The following GALNT16 variants were observed in gnomAD, a reference collection of about 807,000 sequenced individuals.
GALNT16 encodes the protein UDP-GalNAc:polypeptide N-acetylgalactosaminyltransferase-like protein 1.
In GALNT16, 40 loss-of-function variants were observed where a neutral mutation model predicts 76.1. The ratio of observed to expected loss-of-function variants is 0.53; its 90% confidence interval spans 0.41 to 0.68. GALNT16 has a LOEUF of 0.68. Ranked by LOEUF, GALNT16 falls within the 30% of genes least tolerant of loss-of-function variation. GALNT16 has a pLI of 0.00. For missense variants in GALNT16, 621 were observed against 731.9 expected, an observed-to-expected ratio of 0.85 and a Z score of 1.75; for synonymous variants, 276 against 285.2, an observed-to-expected ratio of 0.97 and a Z score of 0.32.
intron 1 of GALNT16, among the ~76,000 whole-genome samples, chr14:69,275,203 C>G (rs1380120164): frequency 6.6e-6 from 1 of 152,130 alleles, no homozygotes; most frequent in Non-Finnish European, 1.5e-5. Context: ...AAGGGTGCAG[C>G]CTGGGGAGAG....
the GALNT16 span, among the ~76,000 whole-genome samples, chr14:69,383,854 A>G: frequency 6.6e-6 from 1 of 152,198 alleles, no homozygotes; most frequent in African/African-American, 2.4e-5. Context: ...TTTACATTTT[A>G]AAGTCTAATG....
chr14:69,316,598 C>T (rs1444622686), intron 1 of GALNT16, among the ~76,000 whole-genome samples: 3 of 152,142 alleles, frequency 2.0e-5, no homozygotes, highest in East Asian at 1.9e-4. Flanking sequence ...GTTTGAGCAG[C>T]GTCCTGCAGG....
At chr14:69,281,576 C>T (rs879436273) in intron 1 of GALNT16, among the ~76,000 whole-genome samples, 8 of 152,060 alleles carry the variant, frequency 5.3e-5, no homozygotes, top group South Asian at 2.1e-4. Context: ...GTGAGCCTGG[C>T]GGTGGAAATC....
chr14:69,284,397 C>G (rs972384717), intron 1 of GALNT16, among the ~76,000 whole-genome samples: 5 of 152,192 alleles, frequency 3.3e-5, no homozygotes, highest in African/African-American at 1.2e-4. Flanking sequence ...GCTGTAACTT[C>G]CAGTTAACTC....
At chr14:69,299,298 T>C (rs79532606) in intron 1 of GALNT16, among the ~76,000 whole-genome samples, 2,309 of 152,318 alleles carry the variant, frequency 0.015, 62 homozygotes, top group African/African-American at 0.053. Context: ...GTCAAGGCTG[T>C]TCTCACTTCA....
chr14:69,348,107 T>A, intron 14 of GALNT16, 105 bp downstream of exon 14: 2 of 1,183,582 alleles, frequency 1.7e-6, no homozygotes, highest in Non-Finnish European at 2.5e-6. Flanking sequence ...AATAAGCCCT[T>A]CAGAGCGAGG....
At chr14:69,366,277 A>G in the GALNT16 span, among the ~76,000 whole-genome samples, 1 of 152,056 alleles carries the variant, frequency 6.6e-6, no homozygotes, top group Admixed American at 6.5e-5. Flanking sequence ...CCCCACCTCA[A>G]TCCATGATGG....
Position 69,353,002 on chromosome 14 carries a change from G to A in GALNT16, c.*834G>A, listed in dbSNP as rs2045657735. Among the ~76,000 whole-genome samples the A allele has an allele frequency of 6.6e-6, 1 of 152,110 alleles. No homozygotes were observed. The highest frequency in any genetic ancestry group is 2.4e-5 in the African/African-American group (1 of 41,416). On this transcript the variant is annotated 3_prime_UTR_variant, in exon 15 of 15. Transcript: ENST00000448469. Reference sequence around the variant, plus strand: ...ATTAAACAGACTCCACTTCTATTTGGCCATGTGTCAGGCTGAGACCTCTCT... The same window carrying A: ...ATTAAACAGACTCCACTTCTATTTGACCATGTGTCAGGCTGAGACCTCTCT...
intron 11 of GALNT16, among the ~76,000 whole-genome samples, chr14:69,340,649 T>C (rs534007108): frequency 3.9e-5 from 6 of 152,250 alleles, no homozygotes; most frequent in African/African-American, 1.4e-4. Context: ...CATGCCCAGC[T>C]GATTTTTTGT....
chr14:69,285,437 G>A (rs967079865), intron 1 of GALNT16, among the ~76,000 whole-genome samples: 1 of 111,260 alleles, frequency 9.0e-6, no homozygotes, highest in Non-Finnish European at 1.9e-5. Flanking sequence ...TCTAAAATGT[G>A]TAGTGTCATG....
At chr14:69,325,270 G>T in intron 3 of GALNT16, 67 bp from the exon 4 acceptor site, 1 of 998,724 alleles carries the variant, frequency 1.0e-6, no homozygotes, top group Non-Finnish European at 1.6e-6. Context: ...CCACGGCCCC[G>T]GGAGTGGTAA....
chr14:69,270,251 C>A (rs570957032), intron 1 of GALNT16, among the ~76,000 whole-genome samples: 1 of 152,208 alleles, frequency 6.6e-6, no homozygotes, highest in Non-Finnish European at 1.5e-5. Flanking sequence ...CACTGCGCAG[C>A]TGTTTCTCGG....
chr14:69,375,663 A>T, the GALNT16 span, among the ~76,000 whole-genome samples: 1 of 152,132 alleles, frequency 6.6e-6, no homozygotes, highest in African/African-American at 2.4e-5. Context: ...TTATTGTGAG[A>T]CAAGTTCTCA....
chr14:69,271,481 C>G (rs180700939), intron 1 of GALNT16, among the ~76,000 whole-genome samples: 77 of 152,332 alleles, frequency 5.1e-4, no homozygotes, highest in African/African-American at 1.9e-3. Context: ...CGAAGCCAAG[C>G]TGAGTCACAG....
rs1438247659 is a variant in GALNT16 at position 69,260,434 on chromosome 14, G to A, written c.144G>A (p.Glu48=). The A allele has an allele frequency of 1.3e-6, 2 of 1,580,572 alleles. No individual in the cohort carries two copies. Among genetic ancestry groups the A allele is most frequent in the South Asian group, 2.3e-5 (2 of 87,678 alleles). ...CGCAGAGGGCAGGCAGGAGGTCGGAGCAGCTCCGCGAGGACCGCACCATCC... is the reference window on the plus strand; with the variant it reads ...CGCAGAGGGCAGGCAGGAGGTCGGAACAGCTCCGCGAGGACCGCACCATCC... ...RGAQRAGRRS[E]QLREDRTIPL... Residue 48 remains glutamate (E), a synonymous_variant, in exon 1 of 15, where the codon GAG becomes GAA. Coordinates refer to ENST00000448469, the MANE Select transcript of GALNT16 (RefSeq NM_001168368.2).
chr14:69,298,203 C>T (rs1347142746), intron 1 of GALNT16, among the ~76,000 whole-genome samples: 1 of 152,212 alleles, frequency 6.6e-6, no homozygotes, highest in African/African-American at 2.4e-5. Flanking sequence ...AACGTTGGGG[C>T]CTGCCAATGC....
At chr14:69,330,621 C>T (rs1053041167) in intron 6 of GALNT16, among the ~76,000 whole-genome samples, 3 of 152,200 alleles carry the variant, frequency 2.0e-5, no homozygotes, top group Non-Finnish European at 4.4e-5. Flanking sequence ...TTCCGTTATC[C>T]TGATCTAGGG....
At chr14:69,339,338 A>T (rs1275683) in intron 10 of GALNT16, among the ~76,000 whole-genome samples, 189 bp from the exon 11 acceptor site, 54,471 of 152,122 alleles carry the variant, frequency 0.36, 10,470 homozygotes, top group Non-Finnish European at 0.44. Flanking sequence ...GTCTAGCTGC[A>T]TACCTACAAA....
chr14:69,333,046 C>A lies in GALNT16; in HGVS notation c.779-39C>A. 5 of 1,462,280 alleles carry A rather than the reference C, an allele frequency of 3.4e-6. No homozygotes were observed. Among genetic ancestry groups the A allele is most frequent in the Non-Finnish European group, 3.8e-6 (4 of 1,041,406 alleles). The allele number at this position is 1,462,280 out of a possible 1,614,324, so 90.6% of individuals were successfully genotyped here. A position where few individuals can be genotyped will look rare whatever the true frequency, so the allele number is the denominator to read the frequency against. ...TGAAGGGTCTCAGCAGCCCGCAGCT[C>A]TGCCCTGAGCTCTGTCCTCACCTTG... On this transcript the variant is annotated intron_variant, in intron 7 of 14. Coordinates refer to ENST00000448469, the MANE Select transcript of GALNT16 (RefSeq NM_001168368.2). This position sits in a 1 kb window ranked among gnomAD's most constrained non-coding sequence, Gnocchi z 4.2.
Sources: gnomAD v4.1 joint callset for allele counts (sites outside exome capture counted in the v4.1 genomes callset) on GRCh38, gnomAD v4.1.1 for gene constraint, Gnocchi (gnomAD v3.1) non-coding constraint, MANE v1.5 for transcripts, NCBI Gene and HGNC (gene_info 2026-07-23, HGNC 2026-07-21) for gene names.